The following SLC44A5 variants were observed in gnomAD, a reference collection of about 807,000 sequenced individuals.
SLC44A5 encodes the protein solute carrier family 44 member 5.
SLC44A5 carries 57 observed loss-of-function variants against 101.8 expected under a neutral mutation model. The observed-to-expected ratio is 0.56, with a 90% CI of 0.45 to 0.70. The LOEUF is 0.70. SLC44A5 is among the 30% of genes least tolerant of loss of function. The pLI, the probability that SLC44A5 is intolerant of heterozygous loss-of-function variation, is 0.00. For missense variants in SLC44A5, 737 were observed against 853.1 expected, an observed-to-expected ratio of 0.86 and a Z score of 1.70; for synonymous variants, 281 against 290.9, an observed-to-expected ratio of 0.97 and a Z score of 0.35.
chr1:75,617,976 G>A, the SLC44A5 span, among the ~76,000 whole-genome samples: 1 of 152,174 alleles, frequency 6.6e-6, no homozygotes, highest in African/African-American at 2.4e-5. Flanking sequence ...AGCAGGTCCT[G>A]TCTTCTAGGT....
At chr1:75,495,648 G>T (rs1377528435) in intron 2 of SLC44A5, among the ~76,000 whole-genome samples, 11 of 151,436 alleles carry the variant, frequency 7.3e-5, no homozygotes, top group East Asian at 1.9e-4. Flanking sequence ...GAGAAGAAAG[G>T]TTCAGCAAAC....
intron 2 of SLC44A5, among the ~76,000 whole-genome samples, chr1:75,515,299 A>G (rs1669768369): frequency 6.6e-6 from 1 of 152,062 alleles, no homozygotes; most frequent in Admixed American, 6.6e-5. Context: ...TTTGAACTTT[A>G]CTCTTAGCAA....
At chr1:75,665,369 A>G in the SLC44A5 span, among the ~76,000 whole-genome samples, 1 of 152,140 alleles carries the variant, frequency 6.6e-6, no homozygotes, top group Non-Finnish European at 1.5e-5. Context: ...CTCTCTATTC[A>G]ATAAATGATG....
chr1:75,225,688 T>C (rs1272870643), intron 13 of SLC44A5, among the ~76,000 whole-genome samples: 1 of 152,254 alleles, frequency 6.6e-6, no homozygotes, highest in African/African-American at 2.4e-5. Flanking sequence ...ATTTCACATA[T>C]ATGCTTTTGT....
chr1:75,280,921 T>C (rs1652490000), intron 5 of SLC44A5, among the ~76,000 whole-genome samples: 2 of 152,118 alleles, frequency 1.3e-5, no homozygotes, highest in Admixed American at 1.3e-4. Flanking sequence ...GTGTCTTTAT[T>C]AGCAGCATGA....
chr1:75,703,264 T>A, the SLC44A5 span, among the ~76,000 whole-genome samples: 1 of 151,948 alleles, frequency 6.6e-6, no homozygotes, highest in African/African-American at 2.4e-5. Context: ...CCAACCCAAA[T>A]GTCCAACGAT....
intron 1 of SLC44A5, among the ~76,000 whole-genome samples, chr1:75,561,802 T>C (rs1435495763): frequency 1.3e-5 from 2 of 152,190 alleles, no homozygotes; most frequent in Non-Finnish European, 2.9e-5. Context: ...AAATTCATTG[T>C]GTATTATTAT....
chr1:75,702,538 C>T, the SLC44A5 span, among the ~76,000 whole-genome samples: 1 of 152,102 alleles, frequency 6.6e-6, no homozygotes, highest in African/African-American at 2.4e-5. Context: ...AAATGTTAGA[C>T]CTAAAACCAT....
At chr1:75,251,380 C>A (rs930843004) in intron 6 of SLC44A5, 86 bp from the exon 7 acceptor site, 77 of 1,119,636 alleles carry the variant, frequency 6.9e-5, no homozygotes, top group Non-Finnish European at 9.1e-5. Flanking sequence ...TATAAATAAC[C>A]TTTAAAAATT....
intron 2 of SLC44A5, among the ~76,000 whole-genome samples, chr1:75,397,598 G>A (rs1211748617): frequency 2.0e-5 from 3 of 152,134 alleles, no homozygotes; most frequent in Admixed American, 2.0e-4. Flanking sequence ...CAGGTGCCAT[G>A]TTTCATTTAT....
chr1:75,542,661 C>T (rs1671419771), intron 1 of SLC44A5, among the ~76,000 whole-genome samples: 1 of 151,708 alleles, frequency 6.6e-6, no homozygotes, highest in South Asian at 2.1e-4. Flanking sequence ...TTATTCAGGC[C>T]CTTTTCCTTG....
At chr1:75,469,128 T>G (rs1324448717) in intron 2 of SLC44A5, among the ~76,000 whole-genome samples, 1 of 152,246 alleles carries the variant, frequency 6.6e-6, no homozygotes, top group Non-Finnish European at 1.5e-5. Flanking sequence ...CATTTCAACA[T>G]GTAATCAATA....
chr1:75,672,505 AT>A, the SLC44A5 span, among the ~76,000 whole-genome samples: 1 of 152,238 alleles, frequency 6.6e-6, no homozygotes, highest in Non-Finnish European at 1.5e-5. Flanking sequence ...TGCTTAATAA[AT>A]TTGAAAGACA....
At chr1:75,634,034 C>T in the SLC44A5 span, among the ~76,000 whole-genome samples, 5 of 151,858 alleles carry the variant, frequency 3.3e-5, no homozygotes, top group African/African-American at 7.3e-5. Flanking sequence ...TATTGATTTG[C>T]GTATATTGAA....
At chr1:75,592,882 A>T (rs1674429371) in intron 1 of SLC44A5, among the ~76,000 whole-genome samples, 1 of 152,166 alleles carries the variant, frequency 6.6e-6, no homozygotes, top group Admixed American at 6.5e-5. Context: ...TCAAACTATG[A>T]AACTACTATA....
intron 2 of SLC44A5, among the ~76,000 whole-genome samples, chr1:75,482,823 T>G (rs781172438): frequency 3.3e-5 from 5 of 152,192 alleles, no homozygotes; most frequent in Non-Finnish European, 4.4e-5. Flanking sequence ...ATTTGTTCCC[T>G]CAGATATATA....
At chr1:75,680,213 A>T in the SLC44A5 span, among the ~76,000 whole-genome samples, 121 of 152,008 alleles carry the variant, frequency 8.0e-4, no homozygotes, top group East Asian at 4.5e-3. Context: ...CGAGACAGAA[A>T]GTCAACAAGG....
chr1:75,388,281 A>G (rs985547855), intron 3 of SLC44A5, among the ~76,000 whole-genome samples: 1 of 151,786 alleles, frequency 6.6e-6, no homozygotes, highest in African/African-American at 2.4e-5. Context: ...ATTCATTACC[A>G]CTAGACCAGT....
the SLC44A5 span, among the ~76,000 whole-genome samples, chr1:75,656,148 G>A: frequency 8.7e-4 from 133 of 152,298 alleles, 1 homozygote; most frequent in Admixed American, 3.3e-3. Flanking sequence ...TGAGTATACT[G>A]TATCCAGCAA....
Sources: allele counts gnomAD v4.1 joint callset (sites outside exome capture counted in the v4.1 genomes callset), GRCh38; gene constraint gnomAD v4.1.1; transcripts MANE v1.5; gene names NCBI Gene and HGNC (gene_info 2026-07-23, HGNC 2026-07-21).